PAPSS2: variants seen among roughly 807,000 people sequenced by gnomAD.
The protein encoded by PAPSS2 is 3'-phosphoadenosine 5'-phosphosulfate synthase 2.
A neutral mutation model predicts 66.5 loss-of-function variants in PAPSS2; 61 were observed. The observed-to-expected ratio is 0.92, with a 90% CI of 0.75 to 1.14. The LOEUF is 1.14. Ranked by LOEUF, PAPSS2 falls within the 50% of genes most tolerant of loss-of-function variation. The probability of loss-of-function intolerance (pLI) is 0.00; values close to 1 mark genes in which losing one functional copy is unlikely to be tolerated. For synonymous variants in PAPSS2, 289 were observed against 287.5 expected (o/e 1.01, Z -0.05); for missense variants, 708 against 789.6 (o/e 0.90, Z 1.24).
At chr10:87,719,751 T>C (rs892034072) in intron 7 of PAPSS2, among the ~76,000 whole-genome samples, 2 of 152,166 alleles carry the variant, frequency 1.3e-5, no homozygotes, top group African/African-American at 2.4e-5. Flanking sequence ...TTCTAGCGTC[T>C]GGAGATAGAA....
chr10:87,665,316 A>G (rs1423493064), intron 1 of PAPSS2, among the ~76,000 whole-genome samples: 1 of 151,628 alleles, frequency 6.6e-6, no homozygotes, highest in African/African-American at 2.4e-5. Context: ...GGTTCACGCC[A>G]TTCTTCTGCC....
chr10:87,706,108 ATGTGTGTGTGTGTGTGTGTGTG>A (rs150079044), intron 1 of PAPSS2, among the ~76,000 whole-genome samples: 22 of 51,942 alleles, frequency 4.2e-4, no homozygotes, highest in South Asian at 1.4e-3. Flanking sequence ...ATATATATAT[ATGTGTGTGTGTGTGTGTGTGTG>A]TGTGTGTGTG....
chr10:87,717,018 A>T (rs1164884027), intron 7 of PAPSS2, among the ~76,000 whole-genome samples: 1 of 152,200 alleles, frequency 6.6e-6, no homozygotes, highest in Non-Finnish European at 1.5e-5. Context: ...CATAACATTC[A>T]TAAGTGAAAG....
chr10:87,717,099 T>C (rs1853541569), intron 7 of PAPSS2, among the ~76,000 whole-genome samples: 1 of 152,172 alleles, frequency 6.6e-6, no homozygotes, highest in Non-Finnish European at 1.5e-5. Flanking sequence ...GCTCTCCTGA[T>C]GTCTTTTCCA....
At chr10:87,707,403 T>C (rs1361312991) in intron 1 of PAPSS2, among the ~76,000 whole-genome samples, 1 of 152,158 alleles carries the variant, frequency 6.6e-6, no homozygotes, top group East Asian at 1.9e-4. Flanking sequence ...CAGTGAATCA[T>C]CTGTATTCAC....
At chr10:87,700,835 A>G (rs1327098940) in intron 1 of PAPSS2, among the ~76,000 whole-genome samples, 1 of 151,990 alleles carries the variant, frequency 6.6e-6, no homozygotes, top group Admixed American at 6.6e-5. Context: ...GTAGAAGGGA[A>G]ATAAATTATA....
intron 8 of PAPSS2, among the ~76,000 whole-genome samples, chr10:87,725,884 T>TACACACACACGCAC (rs1554866908): frequency 5.0e-5 from 7 of 140,352 alleles, no homozygotes; most frequent in Non-Finnish European, 9.1e-5. Context: ...TATGTGTGTA[T>TACACACACACGCAC]ACACACACAC....
chr10:87,732,744 A>C (rs938534660), intron 9 of PAPSS2, among the ~76,000 whole-genome samples: 4 of 152,108 alleles, frequency 2.6e-5, no homozygotes, highest in Non-Finnish European at 5.9e-5. Flanking sequence ...CATGCCTTAC[A>C]ATGCATGCTG....
chr10:87,715,804 G>T lies in PAPSS2; in HGVS notation c.826G>T (p.Glu276Ter). ...TPLKGFMREK[E>*]YLQVMHFDTL... ...CCTCAAAGGTTTCATGCGGGAGAAGGAGTACTTACAGGTTATGCACTTTGA... is the reference window on the plus strand; with the variant it reads ...CCTCAAAGGTTTCATGCGGGAGAAGTAGTACTTACAGGTTATGCACTTTGA... Residue 276 changes from glutamate (E) to a stop codon, truncating the protein, a stop_gained, in exon 7 of 13, where the codon GAG becomes TAG. Coordinates refer to ENST00000456849, the MANE Select transcript of PAPSS2 (RefSeq NM_001015880.2). LOFTEE classifies it high-confidence loss of function. The T allele has an allele frequency of 6.2e-7, 1 of 1,612,996 alleles. No homozygotes were observed. Among genetic ancestry groups the T allele is most frequent in the East Asian group, 2.2e-5 (1 of 44,876 alleles).
intron 8 of PAPSS2, among the ~76,000 whole-genome samples, chr10:87,724,982 C>G (rs928518702): frequency 1.3e-5 from 2 of 151,840 alleles, no homozygotes; most frequent in African/African-American, 4.8e-5. Context: ...ACCTGCGGTT[C>G]AAGTCCACAG....
At chr10:87,737,657 C>CA (rs1005828060) in intron 9 of PAPSS2, among the ~76,000 whole-genome samples, 101 of 149,896 alleles carry the variant, frequency 6.7e-4, no homozygotes, top group Non-Finnish European at 1.0e-3. Flanking sequence ...CCTGTCTCTA[C>CA]AAAAAAAAAA....
At chr10:87,678,791 G>A (rs1475257405) in intron 1 of PAPSS2, among the ~76,000 whole-genome samples, 1 of 152,154 alleles carries the variant, frequency 6.6e-6, no homozygotes, top group Non-Finnish European at 1.5e-5. Context: ...AGTAATACTG[G>A]TGAGGATGTG....
chr10:87,694,320 A>G (rs1035103016), intron 1 of PAPSS2, among the ~76,000 whole-genome samples: 1 of 152,228 alleles, frequency 6.6e-6, no homozygotes, highest in African/African-American at 2.4e-5. Context: ...GTTGACAATG[A>G]CATCTAAAAC....
intron 10 of PAPSS2, 41 bp downstream of exon 10, chr10:87,741,411 T>G: frequency 6.5e-7 from 1 of 1,544,082 alleles, no homozygotes. Context: ...TATTTATTTA[T>G]TGAGATGGTG....
intron 1 of PAPSS2, among the ~76,000 whole-genome samples, chr10:87,675,607 T>G (rs1471206161): frequency 6.6e-6 from 1 of 152,264 alleles, no homozygotes; most frequent in East Asian, 1.9e-4. Flanking sequence ...TATACCTGCA[T>G]GGGTTTTATG....
At chr10:87,696,328 C>T (rs1226976995) in intron 1 of PAPSS2, among the ~76,000 whole-genome samples, 3 of 152,086 alleles carry the variant, frequency 2.0e-5, no homozygotes, top group African/African-American at 7.2e-5. Context: ...TTTTCTATTT[C>T]CTGGGCTCTC....
intron 1 of PAPSS2, among the ~76,000 whole-genome samples, chr10:87,705,077 A>T (rs891819059): frequency 3.3e-5 from 5 of 152,260 alleles, no homozygotes; most frequent in Non-Finnish European, 7.3e-5. Flanking sequence ...ACCCTTATCA[A>T]GACATAAAGC....
At chr10:87,697,167 G>A (rs7082499) in intron 1 of PAPSS2, among the ~76,000 whole-genome samples, 8,070 of 152,162 alleles carry the variant, frequency 0.053, 574 homozygotes, top group African/African-American at 0.17. Context: ...CAGACACTTT[G>A]TAGAATGCCC....
intron 2 of PAPSS2, among the ~76,000 whole-genome samples, 154 bp from the exon 3 acceptor site, chr10:87,712,921 G>GT (rs1459664757): frequency 6.6e-6 from 1 of 150,868 alleles, no homozygotes; most frequent in East Asian, 1.9e-4. Flanking sequence ...TGAGAGAAAT[G>GT]TAAGTACTTG....
Sources: allele counts gnomAD v4.1 joint callset (sites outside exome capture counted in the v4.1 genomes callset), GRCh38; gene constraint gnomAD v4.1.1; transcripts MANE v1.5; gene names NCBI Gene and HGNC (gene_info 2026-07-23, HGNC 2026-07-21).